DIP2C: variants seen among roughly 807,000 people sequenced by gnomAD.
DIP2C encodes disco-interacting protein 2 homolog C.
In DIP2C, 33 loss-of-function variants were observed where a neutral mutation model predicts 192.4. The ratio of observed to expected loss-of-function variants is 0.17; its 90% CI spans 0.13 to 0.23. The LOEUF is 0.23. DIP2C is among the 10% of genes least tolerant of loss of function. The pLI is 1.00. For synonymous variants in DIP2C, 979 were observed against 864.1 expected (o/e 1.13, Z -2.33); for missense variants, 1,537 against 2,110.1 (o/e 0.73, Z 5.32).
chr10:533,128 C>G lies in DIP2C; in HGVS notation c.86-46598G>C, dbSNP rs139016468. Among the ~76,000 whole-genome samples, 841 of 152,266 alleles carry G rather than the reference C, an allele frequency of 5.5e-3. 10 individuals are homozygous for G. Among genetic ancestry groups the G allele is most frequent in the African/African-American group, 0.019 (789 of 41,522 alleles). On this transcript the variant is annotated intron_variant, in intron 1 of 36. Transcript: ENST00000280886. ...GGGTTTTCCTGAATCTCAATTCTGT[C>G]CATTCAAGGTCAGTATCTAAGAAAG...
chr10:561,919 T>G (rs1019141069), intron 1 of DIP2C, among the ~76,000 whole-genome samples: 2 of 152,226 alleles, frequency 1.3e-5, no homozygotes, highest in Admixed American at 6.5e-5. Flanking sequence ...TAGCCCCACC[T>G]TCGGTGTCAG....
At chr10:436,639 G>C (rs776210209) in intron 4 of DIP2C, among the ~76,000 whole-genome samples, 1 of 150,292 alleles carries the variant, frequency 6.7e-6, no homozygotes, top group Non-Finnish European at 1.5e-5. Context: ...ACGTGGTAGG[G>C]TGATATACTC....
intron 1 of DIP2C, among the ~76,000 whole-genome samples, chr10:617,205 CT>C (rs879545131): frequency 7.0e-4 from 93 of 132,176 alleles, no homozygotes; most frequent in Non-Finnish European, 1.3e-3. Flanking sequence ...CAGCCGCCCC[CT>C]GAAATACACG....
At chr10:470,188 A>G (rs1463593271) in intron 3 of DIP2C, among the ~76,000 whole-genome samples, 1 of 152,182 alleles carries the variant, frequency 6.6e-6, no homozygotes, top group South Asian at 2.1e-4. Context: ...ATACACAGAC[A>G]TGCAGATAGA....
At chr10:298,276 T>A (rs1276194039) in intron 32 of DIP2C, among the ~76,000 whole-genome samples, 1 of 152,236 alleles carries the variant, frequency 6.6e-6, no homozygotes, top group Non-Finnish European at 1.5e-5. Flanking sequence ...TTTTGTAGGC[T>A]GCCCTTTGGT....
chr10:650,306 T>C (rs1168703739), intron 1 of DIP2C: 1 of 716,794 alleles, frequency 1.4e-6, no homozygotes, highest in South Asian at 1.5e-5. Flanking sequence ...GGGACCATGG[T>C]GCCCGGGGCT....
intron 1 of DIP2C, among the ~76,000 whole-genome samples, chr10:593,983 G>A (rs143284321): frequency 2.8e-4 from 42 of 152,346 alleles, no homozygotes; most frequent in Non-Finnish European, 4.4e-4. Context: ...CTCCAACCAC[G>A]GCGGAACTGG....
chr10:313,918 C>A (rs1956665096), intron 31 of DIP2C, among the ~76,000 whole-genome samples: 1 of 152,204 alleles, frequency 6.6e-6, no homozygotes, highest in Non-Finnish European at 1.5e-5. Flanking sequence ...TTCAGCAATT[C>A]ACACACCATA....
chr10:544,226 CT>C lies in DIP2C; in HGVS notation c.86-57697del, dbSNP rs1848161798. Reference sequence around the variant, plus strand: ...CACAGTGCTTGACCTTTGGTGTGACCTTTGGTGCTGGCATCTTTCACATTCA... The same window carrying C: ...CACAGTGCTTGACCTTTGGTGTGACCTTGGTGCTGGCATCTTTCACATTCA... On this transcript the variant is annotated intron_variant, in intron 1 of 36. Coordinates refer to ENST00000280886, the MANE Select transcript of DIP2C (RefSeq NM_014974.3). Among the ~76,000 whole-genome samples the C allele has an allele frequency of 2.0e-5, 3 of 152,356 alleles. No homozygotes were observed. The South Asian group carries it at 6.2e-4, about 32-fold the overall frequency.
At chr10:523,973 C>T (rs1399619589) in intron 1 of DIP2C, among the ~76,000 whole-genome samples, 2 of 152,194 alleles carry the variant, frequency 1.3e-5, no homozygotes, top group African/African-American at 2.4e-5. Flanking sequence ...GAGTTTGATG[C>T]TGGCTGTGGG....
chr10:478,452 TCA>T (rs1843337141), intron 2 of DIP2C, among the ~76,000 whole-genome samples: 1 of 148,690 alleles, frequency 6.7e-6, no homozygotes, highest in African/African-American at 2.5e-5. Context: ...CATCTTTTTC[TCA>T]CTCATCTCAT....
intron 1 of DIP2C, among the ~76,000 whole-genome samples, chr10:643,584 G>C (rs935318392): frequency 6.6e-6 from 1 of 152,168 alleles, no homozygotes; most frequent in African/African-American, 2.4e-5. Flanking sequence ...CACGTCACCT[G>C]TGCTGTGCCA....
At chr10:466,096 A>T (rs909962150) in intron 3 of DIP2C, among the ~76,000 whole-genome samples, 1 of 147,990 alleles carries the variant, frequency 6.8e-6, no homozygotes, top group Admixed American at 6.8e-5. Flanking sequence ...TCCTAAGCCA[A>T]AAGAACAAAG....
intron 1 of DIP2C, among the ~76,000 whole-genome samples, chr10:603,317 A>C (rs1243726089): frequency 2.0e-5 from 3 of 146,646 alleles, no homozygotes; most frequent in Non-Finnish European, 3.0e-5. Flanking sequence ...AAAAAAAAAA[A>C]AAAAAAAAAA....
At chr10:495,481 C>G (rs1844761050) in intron 1 of DIP2C, among the ~76,000 whole-genome samples, 1 of 152,046 alleles carries the variant, frequency 6.6e-6, no homozygotes, top group Non-Finnish European at 1.5e-5. Context: ...ACCTGAAATC[C>G]TTCCCCTCCT....
chr10:557,906 AAGGG>A (rs1848994108), intron 1 of DIP2C, among the ~76,000 whole-genome samples: 1 of 21,986 alleles, frequency 4.5e-5, no homozygotes, highest in African/African-American at 1.7e-4. Context: ...GCAGGCGGGG[AAGGG>A]GGCGGGGAAG....
At chr10:670,839 G>C (rs1377511018) in intron 1 of DIP2C, among the ~76,000 whole-genome samples, 1 of 152,168 alleles carries the variant, frequency 6.6e-6, no homozygotes, top group Admixed American at 6.5e-5. Context: ...ATGGAATTTT[G>C]TACCAGTAAT....
chr10:413,288 C>T (rs1415160063), intron 8 of DIP2C, among the ~76,000 whole-genome samples: 1 of 152,194 alleles, frequency 6.6e-6, no homozygotes, highest in African/African-American at 2.4e-5. Context: ...ATTAATTGTA[C>T]TGAAGACTTA....
At chr10:559,029 C>T (rs1308594209) in intron 1 of DIP2C, among the ~76,000 whole-genome samples, 1 of 151,546 alleles carries the variant, frequency 6.6e-6, no homozygotes. Flanking sequence ...CAAGGAATCT[C>T]AGAGGTTTTC....
Sources: allele counts gnomAD v4.1 joint callset (sites outside exome capture counted in the v4.1 genomes callset), GRCh38; gene constraint gnomAD v4.1.1; transcripts MANE v1.5; gene names NCBI Gene and HGNC (gene_info 2026-07-23, HGNC 2026-07-21).